Variants in ITGB5 observed in about 807,000 individuals in gnomAD.
The protein encoded by ITGB5 is integrin beta-5.
In ITGB5, 38 loss-of-function variants were observed where a neutral mutation model predicts 84.8. The observed-to-expected ratio is 0.45, with a 90% CI of 0.35 to 0.59. The LOEUF (loss-of-function observed/expected upper bound fraction) is 0.59, where lower values mean the gene tolerates loss of function less well. ITGB5 is among the 20% of genes least tolerant of loss of function. The pLI is 0.01. For synonymous variants in ITGB5, 393 were observed against 414.4 expected (o/e 0.95, Z 0.63); for missense variants, 905 against 1,034.5 (o/e 0.87, Z 1.72).
chr3:124,846,564 C>T (rs2065081170), intron 4 of ITGB5, among the ~76,000 whole-genome samples: 1 of 151,978 alleles, frequency 6.6e-6, no homozygotes, highest in South Asian at 2.1e-4. Flanking sequence ...GGTTTAGGGA[C>T]AGGTATTATT....
intron 10 of ITGB5, among the ~76,000 whole-genome samples, chr3:124,795,689 G>C (rs1420187573): frequency 6.6e-6 from 1 of 152,162 alleles, no homozygotes; most frequent in Non-Finnish European, 1.5e-5. Context: ...GTCTGTAGGA[G>C]AGGGAGAAGG....
chr3:124,779,070 CA>C (rs1246926672), intron 10 of ITGB5, among the ~76,000 whole-genome samples: 9 of 152,184 alleles, frequency 5.9e-5, no homozygotes, highest in Admixed American at 5.9e-4. Context: ...AGTGCTCTTC[CA>C]AGTGATCTCT....
Position 124,796,665 on chromosome 3 carries a change from G to A in ITGB5, c.1416C>T (p.Asn472=). ...TCGCSVGLEP[N]SARCNGSGTY... ...TCCCGCTCCCGTTGCACCTGGCGCT[G>A]TTGGGTTCCAGCCCCACGCTGCAGC... The change falls in exon 10 of 15, where the codon AAC becomes AAT. Residue 472 remains asparagine (N), a synonymous_variant. Transcript: ENST00000296181. 6.2e-7 allele frequency: 1 copy of A among 1,614,066 alleles called. No homozygotes were observed. The highest frequency in any genetic ancestry group is 8.5e-7 in the Non-Finnish European group (1 of 1,180,022).
chr3:124,887,685 GC>G (rs1458681871), upstream of ITGB5: 4 of 451,652 alleles, frequency 8.9e-6, no homozygotes, highest in Non-Finnish European at 1.8e-5. Context: ...GGCGGGGCAC[GC>G]TGTATTAGGC....
At position 124,763,373 on chromosome 3, in the gene ITGB5, A is replaced by G; in HGVS notation, c.*250T>C. 3.0e-6 allele frequency: 1 copy of G among 334,764 alleles called. No individual in the cohort carries two copies. The highest frequency in any genetic ancestry group is 5.5e-6 in the Non-Finnish European group (1 of 180,908). The allele number at this position is 334,764 out of a possible 1,614,324, so 20.7% of individuals were successfully genotyped here. On this transcript the variant is annotated 3_prime_UTR_variant, in exon 15 of 15. Coordinates refer to ENST00000296181, the MANE Select transcript of ITGB5 (RefSeq NM_002213.5). Reference sequence around the variant, plus strand: ...GCTGGATGTGGCAGGGAAAGCTGAGAGCGCCAAGGTCCCCTTGCTTTATCC... The same window carrying G: ...GCTGGATGTGGCAGGGAAAGCTGAGGGCGCCAAGGTCCCCTTGCTTTATCC...
chr3:124,774,011 A>G (rs1449307034), intron 10 of ITGB5, 99 bp from the exon 11 acceptor site: 1 of 1,066,278 alleles, frequency 9.4e-7, no homozygotes, highest in Non-Finnish European at 1.4e-6. Context: ...TTCAGCAGAG[A>G]ATGGAACACC....
intron 3 of ITGB5, among the ~76,000 whole-genome samples, chr3:124,852,788 A>C (rs1372124875): frequency 6.6e-6 from 1 of 152,106 alleles, no homozygotes; most frequent in Admixed American, 6.6e-5. Context: ...CCCAGGCTCA[A>C]GCAATCCTCC....
intron 11 of ITGB5, among the ~76,000 whole-genome samples, chr3:124,772,078 G>A (rs906570243): frequency 1.4e-5 from 2 of 146,468 alleles, no homozygotes; most frequent in Non-Finnish European, 3.0e-5. Flanking sequence ...GGGAGCTGGA[G>A]GTTGGGGGCA....
In ITGB5 at chr3:124,762,310, C is replaced by G. The variant is rs2063707135; in HGVS notation, c.*1313G>C. The G allele has an allele frequency of 6.6e-6, 1 of 152,134 alleles. No homozygotes were observed. Among genetic ancestry groups the G allele is most frequent in the South Asian group, 2.1e-4 (1 of 4,828 alleles). 9.4% of individuals were successfully genotyped at this position (152,134 alleles called of 1,614,324 possible). A position where few individuals can be genotyped will look rare whatever the true frequency, so the allele number is the denominator to read the frequency against. On this transcript the variant is annotated 3_prime_UTR_variant, in exon 15 of 15. Transcript: ENST00000296181. ...TGATCAGTGAAAGATTTTCTAAGAGCAAGCAGGAATGAGGAGGCTGGCCCT... is the reference window on the plus strand; with the variant it reads ...TGATCAGTGAAAGATTTTCTAAGAGGAAGCAGGAATGAGGAGGCTGGCCCT...
intron 2 of ITGB5, among the ~76,000 whole-genome samples, chr3:124,867,309 G>A (rs1242741324): frequency 6.6e-6 from 1 of 152,136 alleles, no homozygotes; most frequent in Non-Finnish European, 1.5e-5. Flanking sequence ...CCACAGTGGT[G>A]GCCTTGCCTA....
At chr3:124,824,203 A>G (rs1375768872) in intron 5 of ITGB5, among the ~76,000 whole-genome samples, 2 of 152,246 alleles carry the variant, frequency 1.3e-5, no homozygotes, top group Non-Finnish European at 2.9e-5. Context: ...ACAGTAATCA[A>G]GGCTATGGTC....
chr3:124,861,109 A>C (rs2065290237), intron 2 of ITGB5, among the ~76,000 whole-genome samples: 1 of 152,062 alleles, frequency 6.6e-6, no homozygotes, highest in Non-Finnish European at 1.5e-5. Context: ...GAAGTCAAGA[A>C]GACGCTGCAG....
chr3:124,889,172 CAA>C (rs1247332919), upstream of ITGB5, among the ~76,000 whole-genome samples: 2 of 152,194 alleles, frequency 1.3e-5, no homozygotes, highest in Admixed American at 6.5e-5. Context: ...AGACAGAACT[CAA>C]AGTCATCCCT....
chr3:124,824,532 T>A (rs2107566089), intron 5 of ITGB5, among the ~76,000 whole-genome samples: 1 of 152,228 alleles, frequency 6.6e-6, no homozygotes, highest in Non-Finnish European at 1.5e-5. Flanking sequence ...CTGGGCTTCA[T>A]CAAAACAAAA....
intron 4 of ITGB5, among the ~76,000 whole-genome samples, chr3:124,844,976 T>C (rs1262840380): frequency 6.6e-6 from 1 of 152,218 alleles, no homozygotes; most frequent in Non-Finnish European, 1.5e-5. Context: ...AACATAAAAC[T>C]GCTCTGCAGG....
chr3:124,853,715 C>A (rs13074444), intron 3 of ITGB5, among the ~76,000 whole-genome samples: 66,305 of 151,954 alleles, frequency 0.44, 14,742 homozygotes, highest in East Asian at 0.67. Context: ...CAACCAATTA[C>A]CTGTAGTTTA....
chr3:124,774,243 C>T (rs1166010326), intron 10 of ITGB5, among the ~76,000 whole-genome samples: 1 of 152,208 alleles, frequency 6.6e-6, no homozygotes, highest in African/African-American at 2.4e-5. Flanking sequence ...GTTCCCACTC[C>T]AATCCCCAGA....
chr3:124,893,206 G>A (rs942696395), intron 1 of ITGB5, among the ~76,000 whole-genome samples: 4 of 152,100 alleles, frequency 2.6e-5, no homozygotes, highest in Non-Finnish European at 4.4e-5. Context: ...TCAGGAGTTC[G>A]AGACCCGCCT....
At chr3:124,773,650 T>C in intron 11 of ITGB5, 40 bp downstream of exon 11, 2 of 1,592,340 alleles carry the variant, frequency 1.3e-6, no homozygotes, top group Non-Finnish European at 1.7e-6. Context: ...AGGCCTGGCC[T>C]GGGTGAGAAG....
Sources: allele counts gnomAD v4.1 joint callset (sites outside exome capture counted in the v4.1 genomes callset), GRCh38; gene constraint gnomAD v4.1.1; transcripts MANE v1.5; gene names NCBI Gene and HGNC (gene_info 2026-07-23, HGNC 2026-07-21).